YLPM1: variants seen among roughly 807,000 people sequenced by gnomAD.
YLPM1 encodes YLP motif containing 1, also known as YLP motif-containing protein 1.
YLPM1 carries 99 observed loss-of-function variants against 230.0 expected under a neutral mutation model. That is an observed-to-expected ratio of 0.43 (90% CI 0.37 to 0.51). The LOEUF (loss-of-function observed/expected upper bound fraction) is 0.51. Among genes scored for constraint, YLPM1 ranks in the 20% least tolerant of loss-of-function variants. The pLI is 0.00. For synonymous variants in YLPM1, 984 were observed against 942.5 expected (o/e 1.04, Z -0.81); for missense variants, 2,592 against 2,707.7 (o/e 0.96, Z 0.95).
rs765603341 is a variant in YLPM1 at position 74,763,445 on chromosome 14, G to A, written c.-45G>A. 7.3e-7 allele frequency: 1 copy of A among 1,372,630 alleles called. No homozygotes were observed. Among genetic ancestry groups the A allele is most frequent in the Non-Finnish European group, 9.5e-7 (1 of 1,054,984 alleles). The allele number at this position is 1,372,630 out of a possible 1,614,324, so 85.0% of individuals were successfully genotyped here. A position where few individuals can be genotyped will look rare whatever the true frequency, so the allele number is the denominator to read the frequency against. ...GCCGCGGCTCCTGGAGGTCGGTTGC[G>A]ACGAGTAACGGCGCCAGGACGAGCC... On this transcript the variant is annotated 5_prime_UTR_variant, in exon 1 of 21. Transcript: ENST00000325680.
At chr14:74,806,452 C>G (rs2091379257) in intron 6 of YLPM1, among the ~76,000 whole-genome samples, 1 of 152,056 alleles carries the variant, frequency 6.6e-6, no homozygotes, top group Non-Finnish European at 1.5e-5. Flanking sequence ...CAGGCACGCG[C>G]CAGGTGGTGC....
At position 74,816,636 on chromosome 14, in the gene YLPM1, T is replaced by A; in HGVS notation, c.5631T>A (p.Thr1877=). The change falls in exon 13 of 21, where the codon ACT becomes ACA. Residue 1877 remains threonine (T), a synonymous_variant. Transcript: ENST00000325680. ...TAAGCCTGGATGATTACTTCATCAC[T>A]GAAGTGGAAAAAGAAGAAAAAGATC... ...RVLSLDDYFI[T]EVEKEEKDPD... 1 of 1,613,668 alleles carries A rather than the reference T, an allele frequency of 6.2e-7. No homozygotes were observed. The highest frequency in any genetic ancestry group is 8.5e-7 in the Non-Finnish European group (1 of 1,179,758).
rs998853074 is a variant in YLPM1, at chr14:74,799,643, G to C, written c.4346G>C (p.Ser1449Thr). ...DQGLGGVMVL[S>T]QRQHEIILKA... ...GGCCTTGGAGGGGTAATGGTTCTCA[G>C]TCAGAGGCAGCATGAAATCATTTTG... The change falls in exon 5 of 21, where the codon AGT (serine) becomes ACT (threonine). Residue 1449 changes from serine to threonine, a missense_variant. Ser to Thr is a moderately conservative substitution (Grantham distance 58). Coordinates refer to ENST00000325680, the MANE Select transcript of YLPM1 (RefSeq NM_019589.3). 3.1e-6 allele frequency: 5 copies of C among 1,613,268 alleles called. No individual in the cohort carries two copies. The African/African-American group carries it at 6.7e-5, about 22-fold the overall frequency.
intron 6 of YLPM1, among the ~76,000 whole-genome samples, chr14:74,804,939 A>G (rs1006852578): frequency 6.6e-6 from 1 of 151,884 alleles, no homozygotes; most frequent in African/African-American, 2.4e-5. Flanking sequence ...ATTTGTTTCT[A>G]ATCTTTCACT....
At chr14:74,776,373 AG>A in intron 1 of YLPM1, among the ~76,000 whole-genome samples, 1 of 152,198 alleles carries the variant, frequency 6.6e-6, no homozygotes, top group South Asian at 2.1e-4. Flanking sequence ...AACCTTATTT[AG>A]TACATATTGT....
chr14:74,813,477 A>G (rs1482986039), intron 11 of YLPM1, among the ~76,000 whole-genome samples: 1 of 151,922 alleles, frequency 6.6e-6, no homozygotes, highest in East Asian at 1.9e-4. Context: ...CATCCTTGCA[A>G]GGGTAACTCC....
Position 74,810,440 on chromosome 14 carries a change from T to C in YLPM1, c.5228+20T>C, listed in dbSNP as rs2091423511. ...TGATAGGTATGCTATAAAACAATCT[T>C]TGCTAGGTGTACAAATTACTGTATA... On this transcript the variant is annotated intron_variant, in intron 9 of 20. Transcript: ENST00000325680. 2 of 1,610,256 alleles carry C rather than the reference T, an allele frequency of 1.2e-6. No homozygotes were observed. The highest frequency in any genetic ancestry group is 2.2e-5 in the South Asian group (2 of 90,928).
In YLPM1 at chr14:74,835,911, A is replaced by G. The variant is rs771418903; in HGVS notation, c.*173A>G. ...AAGTTCTCCAGTGTCCCCAAGAGGT[A>G]TTAGAATCTTGCTGTACCCAAGCAA... On this transcript the variant is annotated 3_prime_UTR_variant, in exon 21 of 21. Coordinates refer to ENST00000325680, the MANE Select transcript of YLPM1 (RefSeq NM_019589.3). 8.8e-6 allele frequency: 4 copies of G among 455,620 alleles called. No individual in the cohort carries two copies. The highest frequency in any genetic ancestry group is 1.8e-5 in the Non-Finnish European group (4 of 226,526). 28.2% of individuals were successfully genotyped at this position (455,620 alleles called of 1,614,324 possible). A position where few individuals can be genotyped will look rare whatever the true frequency, so the allele number is the denominator to read the frequency against.
intron 6 of YLPM1, among the ~76,000 whole-genome samples, chr14:74,806,746 T>C (rs928951094): frequency 2.0e-5 from 3 of 152,066 alleles, no homozygotes; most frequent in African/African-American, 4.8e-5. Context: ...TTGTTAATTA[T>C]ACTTTCCTCT....
intron 16 of YLPM1, among the ~76,000 whole-genome samples, chr14:74,818,802 A>G (rs1451159202): frequency 2.6e-5 from 4 of 152,198 alleles, no homozygotes; most frequent in South Asian, 2.1e-4. Flanking sequence ...CTAAGATTCA[A>G]TCCTTTAATA....
intron 19 of YLPM1, among the ~76,000 whole-genome samples, chr14:74,831,602 C>G (rs904441103): frequency 6.6e-6 from 1 of 152,214 alleles, no homozygotes; most frequent in African/African-American, 2.4e-5. Context: ...CCAAAGAGAA[C>G]TGAGTGGTGC....
chr14:74,799,840 G>C, intron 5 of YLPM1, 143 bp downstream of exon 5: 1 of 1,326,300 alleles, frequency 7.5e-7, no homozygotes, highest in Admixed American at 2.9e-5. Context: ...TGGTCATTCA[G>C]TGCTGTTTTA....
intron 6 of YLPM1, among the ~76,000 whole-genome samples, chr14:74,806,654 T>C (rs192585410): frequency 6.6e-6 from 1 of 152,236 alleles, no homozygotes; most frequent in East Asian, 1.9e-4. Context: ...TCGTAAGCAT[T>C]AGCTACTTAA....
Position 74,763,914 on chromosome 14 carries a change from A to C in YLPM1, c.425A>C (p.Glu142Ala). The change falls in exon 1 of 21, where the codon GAG (glutamate) becomes GCG (alanine). Residue 142 changes from glutamate to alanine, a missense_variant. This residue lies in a region of YLPM1 where 1,862 missense variants were observed against 1,819.8 expected (regional missense o/e 1.02). Coordinates refer to ENST00000325680, the MANE Select transcript of YLPM1 (RefSeq NM_019589.3). Reference protein sequence around the residue: ...RDGPPGLVPMELESPPESPPV... With the variant: ...RDGPPGLVPMALESPPESPPV... ...GGGCCTCCTGGTTTGGTTCCAATGG[A>C]GCTGGAATCCCCCCCTGAATCTCCC... 1 of 1,556,644 alleles carries C rather than the reference A, an allele frequency of 6.4e-7. No individual in the cohort carries two copies. The highest frequency in any genetic ancestry group is 1.9e-5 in the Admixed American group (1 of 51,774).
chr14:74,792,001 T>C lies in YLPM1; in HGVS notation c.2283-5579T>C, dbSNP rs2287402. Reference sequence around the variant, plus strand: ...ATCACTTATGTGAACAAATAATTGCTACATTTAATACATAGCAAATGATTT... The same window carrying C: ...ATCACTTATGTGAACAAATAATTGCCACATTTAATACATAGCAAATGATTT... On this transcript the variant is annotated intron_variant, in intron 4 of 20. Transcript: ENST00000325680. Among the ~76,000 whole-genome samples the C allele has an allele frequency of 7.9e-5, 12 of 152,364 alleles. No individual in the cohort carries two copies. The East Asian group carries it at 2.3e-3, about 29-fold the overall frequency.
intron 10 of YLPM1, 89 bp downstream of exon 10, chr14:74,811,827 G>A (rs1490613022): frequency 1.1e-6 from 1 of 893,020 alleles, no homozygotes; most frequent in Non-Finnish European, 1.6e-6. Context: ...TAAACTTTTA[G>A]AGTAAAACGT....
chr14:74,812,537 G>C (rs2091442791), intron 10 of YLPM1, 91 bp from the exon 11 acceptor site: 7 of 1,285,910 alleles, frequency 5.4e-6, no homozygotes, highest in Admixed American at 6.7e-5. Flanking sequence ...GACTTGGTTT[G>C]AATTATATTA....
chr14:74,831,467 G>A (rs1454612398), intron 19 of YLPM1, among the ~76,000 whole-genome samples: 1 of 152,186 alleles, frequency 6.6e-6, no homozygotes, highest in Non-Finnish European at 1.5e-5. Flanking sequence ...ATAATAAAGT[G>A]TAGTTCTGGT....
chr14:74,776,988 G>A (rs1205673206), intron 1 of YLPM1, among the ~76,000 whole-genome samples: 2 of 152,046 alleles, frequency 1.3e-5, no homozygotes, highest in Non-Finnish European at 2.9e-5. Context: ...CACAGGAGGC[G>A]GAGGTGGCAG....
Sources: allele counts gnomAD v4.1 joint callset (sites outside exome capture counted in the v4.1 genomes callset), GRCh38; gene constraint gnomAD v4.1.1; regional missense constraint gnomAD v4.1.1; transcripts MANE v1.5; gene names NCBI Gene and HGNC (gene_info 2026-07-23, HGNC 2026-07-21).